KCTD16: variants seen among roughly 807,000 people sequenced by gnomAD.
KCTD16 encodes the protein potassium channel tetramerization domain containing 16.
In KCTD16, 13 loss-of-function variants were observed where a neutral mutation model predicts 33.2. That is an observed-to-expected ratio of 0.39 (90% CI 0.25 to 0.62). The LOEUF is 0.62. Ranked by LOEUF, KCTD16 falls within the 20% of genes least tolerant of loss-of-function variation. The probability of loss-of-function intolerance (pLI) is 0.50; values close to 1 mark genes in which losing one functional copy is unlikely to be tolerated. For missense variants in KCTD16, 441 were observed against 525.1 expected (o/e 0.84, Z 1.57); for synonymous variants, 197 against 195.3 (o/e 1.01, Z -0.07).
At chr5:144,332,491 C>T (rs1433988550) in intron 3 of KCTD16, among the ~76,000 whole-genome samples, 1 of 152,158 alleles carries the variant, frequency 6.6e-6, no homozygotes, top group Admixed American at 6.6e-5. Flanking sequence ...GGGTTGTCTT[C>T]AGATAACTGA....
At chr5:144,379,047 C>T (rs551485885) in intron 3 of KCTD16, among the ~76,000 whole-genome samples, 47 of 152,278 alleles carry the variant, frequency 3.1e-4, no homozygotes, top group African/African-American at 9.6e-4. Context: ...GGAATACTGA[C>T]GTTTGGCAAT....
intron 2 of KCTD16, among the ~76,000 whole-genome samples, chr5:144,183,223 A>G (rs1001011092): frequency 2.0e-5 from 3 of 152,160 alleles, no homozygotes; most frequent in Non-Finnish European, 2.9e-5. Flanking sequence ...TACATTTAGA[A>G]ATGTTATTCA....
chr5:144,347,127 A>C (rs1752824020), intron 3 of KCTD16, among the ~76,000 whole-genome samples: 1 of 152,198 alleles, frequency 6.6e-6, no homozygotes, highest in Non-Finnish European at 1.5e-5. Context: ...TTAGGAAATG[A>C]TTTACTGTTC....
intron 3 of KCTD16, among the ~76,000 whole-genome samples, chr5:144,383,342 T>A (rs1252280876): frequency 6.6e-6 from 1 of 152,180 alleles, no homozygotes; most frequent in Admixed American, 6.5e-5. Context: ...CTTTTCACAT[T>A]TTGTTGAGTT....
rs10052246 is a variant in KCTD16, at chr5:144,305,866, A to G, written c.832+98320A>G. 3.3e-5 allele frequency among the ~76,000 whole-genome samples: 5 copies of G among 152,150 alleles called. No homozygotes were observed. In the East Asian group the frequency reaches 5.8e-4, roughly 18 times the overall value. On this transcript the variant is annotated intron_variant, in intron 3 of 3. Transcript: ENST00000512467. ...ATAAAAAATAAGAAGGAGTCCACCTATAAGCCAAGGAGAGAGCCCTCAGAA... is the reference window on the plus strand; with the variant it reads ...ATAAAAAATAAGAAGGAGTCCACCTGTAAGCCAAGGAGAGAGCCCTCAGAA...
intron 3 of KCTD16, among the ~76,000 whole-genome samples, chr5:144,320,991 G>T (rs1752058423): frequency 6.6e-6 from 1 of 152,102 alleles, no homozygotes; most frequent in Non-Finnish European, 1.5e-5. Context: ...AAGTAGCTGG[G>T]ATTACAGGCA....
chr5:144,412,614 G>T (rs113706000), intron 3 of KCTD16, among the ~76,000 whole-genome samples: 1 of 152,162 alleles, frequency 6.6e-6, no homozygotes, highest in Non-Finnish European at 1.5e-5. Flanking sequence ...AGCTGGATGC[G>T]GTGGCTCATG....
chr5:144,329,118 A>G (rs1752288272), intron 3 of KCTD16, among the ~76,000 whole-genome samples: 1 of 152,170 alleles, frequency 6.6e-6, no homozygotes, highest in Admixed American at 6.5e-5. Context: ...TTGGGAGGAA[A>G]CAAGGTGAAT....
At chr5:144,288,473 C>A (rs764701556) in intron 3 of KCTD16, among the ~76,000 whole-genome samples, 2 of 152,090 alleles carry the variant, frequency 1.3e-5, no homozygotes, top group African/African-American at 2.4e-5. Context: ...GTGCTATCAC[C>A]AATGGCATCA....
At chr5:144,415,997 G>A (rs1021440408) in intron 3 of KCTD16, among the ~76,000 whole-genome samples, 5 of 152,150 alleles carry the variant, frequency 3.3e-5, no homozygotes, top group Admixed American at 1.3e-4. Flanking sequence ...TTACAGTGTA[G>A]AATGGGTGAA....
chr5:144,215,022 G>T (rs1238430580), intron 3 of KCTD16, among the ~76,000 whole-genome samples: 8 of 152,058 alleles, frequency 5.3e-5, no homozygotes, highest in South Asian at 2.1e-4. Flanking sequence ...CTATTGTATT[G>T]TCTCTTAATA....
At chr5:144,451,392 T>C (rs1561612919) in intron 3 of KCTD16, among the ~76,000 whole-genome samples, 1 of 152,162 alleles carries the variant, frequency 6.6e-6, no homozygotes, top group Non-Finnish European at 1.5e-5. Flanking sequence ...TTGGGTGTGG[T>C]ATGGACCAGG....
chr5:144,342,622 C>T (rs376833250), intron 3 of KCTD16, among the ~76,000 whole-genome samples: 7 of 152,184 alleles, frequency 4.6e-5, no homozygotes, highest in South Asian at 2.1e-4. Flanking sequence ...TATGTTGAAT[C>T]GGAGTGGTGA....
At chr5:144,442,368 C>T (rs1753730435) in intron 3 of KCTD16, among the ~76,000 whole-genome samples, 1 of 152,112 alleles carries the variant, frequency 6.6e-6, no homozygotes, top group Admixed American at 6.6e-5. Flanking sequence ...ATGCCACAGC[C>T]TTGTGACTAG....
chr5:144,446,018 T>C (rs1033066989), intron 3 of KCTD16, among the ~76,000 whole-genome samples: 3 of 151,950 alleles, frequency 2.0e-5, no homozygotes, highest in Admixed American at 6.6e-5. Flanking sequence ...AGTCCTACTT[T>C]CTTGTTTTTT....
chr5:144,205,413 T>C (rs1753138950), intron 2 of KCTD16: 1 of 398,098 alleles, frequency 2.5e-6, no homozygotes, highest in Non-Finnish European at 4.4e-6. Context: ...CTGGGAACTG[T>C]GGAACCACCC....
At chr5:144,409,567 G>C (rs1031612097) in intron 3 of KCTD16, among the ~76,000 whole-genome samples, 2 of 151,878 alleles carry the variant, frequency 1.3e-5, no homozygotes, top group Non-Finnish European at 2.9e-5. Flanking sequence ...AATGAAAACA[G>C]GCAATTGCGG....
At chr5:144,418,294 T>G (rs544873568) in intron 3 of KCTD16, among the ~76,000 whole-genome samples, 4 of 152,286 alleles carry the variant, frequency 2.6e-5, no homozygotes, top group African/African-American at 7.2e-5. Flanking sequence ...CAACGGGGAT[T>G]CTGGTGGCCT....
chr5:144,272,026 G>A (rs1755312260), intron 3 of KCTD16, among the ~76,000 whole-genome samples: 1 of 151,884 alleles, frequency 6.6e-6, no homozygotes, highest in Non-Finnish European at 1.5e-5. Flanking sequence ...AAAATAAATG[G>A]GAGCACATTT....
Sources: gnomAD v4.1 joint callset for allele counts (sites outside exome capture counted in the v4.1 genomes callset) on GRCh38, gnomAD v4.1.1 for gene constraint, MANE v1.5 for transcripts, NCBI Gene and HGNC (gene_info 2026-07-23, HGNC 2026-07-21) for gene names.